The following MTUS1 variants were observed in gnomAD, a reference collection of about 807,000 sequenced individuals.
MTUS1 encodes the protein microtubule-associated tumor suppressor 1.
In MTUS1, 109 loss-of-function variants were observed where a neutral mutation model predicts 120.8. The ratio of observed to expected loss-of-function variants is 0.90; its 90% CI spans 0.77 to 1.06. The LOEUF (loss-of-function observed/expected upper bound fraction) is 1.06. Among genes scored for constraint, MTUS1 ranks in the 50% least tolerant of loss-of-function variants. The probability of loss-of-function intolerance (pLI) is 0.00; values close to 1 mark genes in which losing one functional copy is unlikely to be tolerated. For synonymous variants in MTUS1, 737 were observed against 550.5 expected (o/e 1.34, Z -4.74); for missense variants, 2,210 against 1,486.3 (o/e 1.49, Z -8.01).
At position 17,754,163 on chromosome 8, in the gene MTUS1, G is replaced by T; in HGVS notation, c.1645C>A (p.Gln549Lys). Residue 549 changes from glutamine to lysine, a missense_variant, in exon 2 of 15, where the codon CAA becomes AAA. Coordinates refer to ENST00000693296, the MANE Select transcript of MTUS1 (RefSeq NM_001363059.2). ...ASSPSSVNSR[Q>K]QTVLSRTPRS... Reference sequence around the variant, plus strand: ...GGTGTTCTGCTCAAGACTGTTTGTTGTCTTGAATTCACTGATGAGGGTGAT... The same window carrying T: ...GGTGTTCTGCTCAAGACTGTTTGTTTTCTTGAATTCACTGATGAGGGTGAT... The T allele has an allele frequency of 6.2e-7, 1 of 1,613,810 alleles. No homozygotes were observed. The highest frequency in any genetic ancestry group is 1.1e-5 in the South Asian group (1 of 91,060).
intron 13 of MTUS1, among the ~76,000 whole-genome samples, chr8:17,647,526 A>C (rs1330177143): frequency 1.3e-5 from 2 of 152,120 alleles, no homozygotes; most frequent in African/African-American, 2.4e-5. Flanking sequence ...GTCCCTGGCA[A>C]CGTTTACTAT....
rs574934419 is a variant in MTUS1 at position 17,645,923 on chromosome 8, G to C, written c.*3C>G. ...CAGAGAGTCTGTGGACTTTGGGGAG[G>C]TGTCATCTGGGTGAAATGCTGGGGC... On this transcript the variant is annotated 3_prime_UTR_variant, in exon 15 of 15. Transcript: ENST00000693296. The C allele has an allele frequency of 6.8e-6, 11 of 1,609,740 alleles. No individual in the cohort carries two copies. Among genetic ancestry groups the C allele is most frequent in the Non-Finnish European group, 8.5e-6 (10 of 1,179,014 alleles).
intron 1 of MTUS1, among the ~76,000 whole-genome samples, chr8:17,794,938 T>A (rs958587601): frequency 6.6e-6 from 1 of 152,212 alleles, no homozygotes; most frequent in Non-Finnish European, 1.5e-5. Context: ...TTCAACTTCG[T>A]ATCATTCATA....
chr8:17,711,831 T>C (rs758452129), intron 6 of MTUS1, among the ~76,000 whole-genome samples: 53 of 152,162 alleles, frequency 3.5e-4, no homozygotes, highest in Non-Finnish European at 7.5e-4. Context: ...TCAGAGGTCA[T>C]TATAGGGCTA....
chr8:17,649,997 C>A, intron 12 of MTUS1, 35 bp from the exon 13 acceptor site: 1 of 1,053,740 alleles, frequency 9.5e-7, no homozygotes, highest in South Asian at 1.3e-5. Flanking sequence ...GCTCTTATTC[C>A]ACATAGTTCA....
chr8:17,654,569 G>A lies in MTUS1; in HGVS notation c.3206C>T (p.Ser1069Phe), dbSNP rs1807783043. ...AAAAAAAGCATCCTTGCCTGAAAGGGAGGCTTCATAGGCCTTCTTTAGCAA... is the reference window on the plus strand; with the variant it reads ...AAAAAAAGCATCCTTGCCTGAAAGGAAGGCTTCATAGGCCTTCTTTAGCAA... ...LELLKKAYEA[S>F]LSEIKKGHEI... is the part of the protein sequence containing the mutation. Residue 1069 changes from serine (S) to phenylalanine (F), a missense_variant, in exon 10 of 15, where the codon TCC becomes TTC. Coordinates refer to ENST00000693296, the MANE Select transcript of MTUS1 (RefSeq NM_001363059.2). The A allele has an allele frequency of 6.2e-7, 1 of 1,607,500 alleles. No homozygotes were observed. Among genetic ancestry groups the A allele is most frequent in the Non-Finnish European group, 8.5e-7 (1 of 1,174,020 alleles).
chr8:17,782,178 C>G (rs975418279), intron 1 of MTUS1, among the ~76,000 whole-genome samples: 1 of 152,180 alleles, frequency 6.6e-6, no homozygotes, highest in African/African-American at 2.4e-5. Context: ...CCTTAAATGT[C>G]ATGTCCATTC....
Position 17,645,423 on chromosome 8 carries a change from A to T in MTUS1, c.*503T>A, listed in dbSNP as rs1805584793. 6.4e-6 allele frequency: 1 copy of T among 155,568 alleles called. No homozygotes were observed. The highest frequency in any genetic ancestry group is 2.0e-4 in the South Asian group (1 of 5,008). The allele number at this position is 155,568 out of a possible 1,614,324, so 9.6% of individuals were successfully genotyped here. On this transcript the variant is annotated 3_prime_UTR_variant, in exon 15 of 15. Coordinates refer to ENST00000693296, the MANE Select transcript of MTUS1 (RefSeq NM_001363059.2). The stretch of plus-strand genomic sequence containing the variant: ...ATTGATTATTATTTGATTAGTACAT[A>T]TCCAGATATATTCAGATTTTGACAT...
At chr8:17,670,526 A>T (rs1811801550) in intron 8 of MTUS1, among the ~76,000 whole-genome samples, 1 of 152,206 alleles carries the variant, frequency 6.6e-6, no homozygotes, top group African/African-American at 2.4e-5. Context: ...AGTGAAAAAG[A>T]TCACAGCAGA....
intron 2 of MTUS1, among the ~76,000 whole-genome samples, chr8:17,745,051 C>T (rs1182423167): frequency 6.6e-6 from 1 of 152,160 alleles, no homozygotes; most frequent in African/African-American, 2.4e-5. Flanking sequence ...GTGTCATCAG[C>T]CATGGTCCTC....
intron 8 of MTUS1, among the ~76,000 whole-genome samples, chr8:17,666,084 C>T (rs953770405): frequency 7.8e-6 from 1 of 127,736 alleles, no homozygotes; most frequent in African/African-American, 2.9e-5. Context: ...TGCTGCAGAA[C>T]AGATGCTTTT....
chr8:17,744,444 C>CGGA lies in MTUS1; in HGVS notation c.2092-648_2092-646dup, dbSNP rs761687414. On this transcript the variant is annotated intron_variant, in intron 2 of 14. Transcript: ENST00000693296. The stretch of plus-strand genomic sequence containing the variant: ...TAATAACTTCTTTAGTTTTTTGACA[C>CGGA]GGAGTCTCCTCTATCGCCCAGGCTG... Among the ~76,000 whole-genome samples the CGGA allele has an allele frequency of 9.9e-5, 15 of 152,050 alleles. No individual in the cohort carries two copies. In the East Asian group the frequency reaches 1.7e-3, roughly 18 times the overall value.
At position 17,776,704 on chromosome 8, in the gene MTUS1, A is replaced by T. The variant is rs563121807; in HGVS notation, c.-154-20743T>A. ...AAAAAAAAAAAAAAAAAAAAAAAAA[A>T]AAATCTCAGATACAAGGCTTACATA... On this transcript the variant is annotated intron_variant, in intron 1 of 14. Transcript: ENST00000693296. Among the ~76,000 whole-genome samples the T allele has an allele frequency of 3.3e-5, 5 of 149,714 alleles. No individual in the cohort carries two copies. In the South Asian group the frequency reaches 1.0e-3, roughly 31 times the overall value.
intron 6 of MTUS1, among the ~76,000 whole-genome samples, chr8:17,703,560 C>G (rs977781313): frequency 4.0e-5 from 6 of 148,456 alleles, no homozygotes; most frequent in African/African-American, 1.5e-4. Flanking sequence ...ACCTGGGAGG[C>G]AGAGCTTGCA....
chr8:17,730,750 T>G (rs893414849), intron 3 of MTUS1, among the ~76,000 whole-genome samples: 2 of 152,198 alleles, frequency 1.3e-5, no homozygotes, highest in East Asian at 1.9e-4. Flanking sequence ...ATGATTCTCT[T>G]TCATGATTAC....
intron 7 of MTUS1, among the ~76,000 whole-genome samples, chr8:17,679,386 C>T (rs1317639096): frequency 6.6e-6 from 1 of 151,620 alleles, no homozygotes; most frequent in East Asian, 1.9e-4. Context: ...TGTATAAACA[C>T]AGTATATATA....
At chr8:17,724,337 G>A (rs1160578238) in intron 3 of MTUS1, among the ~76,000 whole-genome samples, 15 of 152,196 alleles carry the variant, frequency 9.9e-5, no homozygotes. Context: ...ACAGAAAACA[G>A]AACTCACGTT....
intron 1 of MTUS1, among the ~76,000 whole-genome samples, chr8:17,771,984 G>T (rs2131456039): frequency 6.6e-6 from 1 of 152,288 alleles, no homozygotes; most frequent in East Asian, 1.9e-4. Flanking sequence ...AAAGATGATG[G>T]CCATGGTGGC....
At chr8:17,701,617 G>A (rs540091047) in intron 6 of MTUS1, among the ~76,000 whole-genome samples, 30 of 152,088 alleles carry the variant, frequency 2.0e-4, no homozygotes, top group African/African-American at 7.2e-4. Context: ...GCGTGATCTC[G>A]GCTCACTGCA....
Sources: allele counts gnomAD v4.1 joint callset (sites outside exome capture counted in the v4.1 genomes callset), GRCh38; gene constraint gnomAD v4.1.1; transcripts MANE v1.5; gene names NCBI Gene and HGNC (gene_info 2026-07-23, HGNC 2026-07-21).